ACSS3: variants seen among roughly 807,000 people sequenced by gnomAD.
ACSS3 encodes acyl-CoA synthetase short-chain family member 3, mitochondrial.
ACSS3 carries 64 observed loss-of-function variants against 84.2 expected under a neutral mutation model. The observed-to-expected ratio is 0.76, with a 90% CI of 0.62 to 0.94. ACSS3 has a LOEUF of 0.94. Among genes scored for constraint, ACSS3 ranks in the 40% least tolerant of loss-of-function variants. The pLI is 0.00. For missense variants in ACSS3, 815 were observed against 867.6 expected, an observed-to-expected ratio of 0.94 and a Z score of 0.76; for synonymous variants, 317 against 310.1, an observed-to-expected ratio of 1.02 and a Z score of -0.23.
At position 81,134,874 on chromosome 12, in the gene ACSS3, T is replaced by G; in HGVS notation, c.515T>G (p.Val172Gly). The G allele has an allele frequency of 6.2e-7, 1 of 1,600,088 alleles. No homozygotes were observed. The highest frequency in any genetic ancestry group is 8.5e-7 in the Non-Finnish European group (1 of 1,172,174). Residue 172 changes from valine to glycine, a missense_variant, in exon 3 of 16, where the codon GTT (valine) becomes GGT (glycine). Val to Gly is a moderately radical substitution (Grantham distance 109). Transcript: ENST00000548058. The stretch of plus-strand genomic sequence containing the variant: ...GGCATCAAGAAAGGTGACACTGTGG[T>G]TATCTACATGCCTATGATCCCACAG... ...KHGIKKGDTV[V>G]IYMPMIPQAM...
chr12:81,231,247 A>T (rs2033453108), intron 12 of ACSS3, 109 bp downstream of exon 12: 4 of 888,252 alleles, frequency 4.5e-6, no homozygotes. Context: ...GAAACTTTTA[A>T]AGGTTATCTG....
At position 81,151,856 on chromosome 12, in the gene ACSS3, C is replaced by A; in HGVS notation, c.934C>A (p.Pro312Thr). The change falls in exon 6 of 16, where the codon CCC (proline) becomes ACC (threonine). Residue 312 changes from proline (P) to threonine (T), a missense_variant. Coordinates refer to ENST00000548058, the MANE Select transcript of ACSS3 (RefSeq NM_024560.4). ...TTGLPKGVIR[P>T]TGGYAVMLHW... ...TTTCTCTCCTTAGGGTGTGATTAGG[C>A]CCACTGGGGGATACGCTGTCATGCT... is the stretch of plus-strand genomic sequence containing the variant. The A allele has an allele frequency of 6.2e-7, 1 of 1,613,482 alleles. No individual in the cohort carries two copies. The highest frequency in any genetic ancestry group is 8.5e-7 in the Non-Finnish European group (1 of 1,179,666).
rs1219473172 is a variant in ACSS3, at chr12:81,224,159, G to A, written c.1514+4083G>A. 2.6e-5 allele frequency among the ~76,000 whole-genome samples: 4 copies of A among 151,972 alleles called. No homozygotes were observed. The East Asian group carries it at 5.8e-4, about 22-fold the overall frequency. On this transcript the variant is annotated intron_variant, in intron 11 of 15. Transcript: ENST00000548058. ...TTGGCAGAATTGGGGAAGGTATCAC[G>A]TGGTGATAGCATTTGCTTTCAAATT...
intron 3 of ACSS3, among the ~76,000 whole-genome samples, chr12:81,138,906 C>G (rs1382423014): frequency 1.3e-5 from 2 of 152,184 alleles, no homozygotes; most frequent in Admixed American, 1.3e-4. Flanking sequence ...GAGTCAAAAA[C>G]ATCATTGAGC....
intron 8 of ACSS3, among the ~76,000 whole-genome samples, chr12:81,191,163 T>A (rs1417795978): frequency 6.6e-6 from 1 of 152,100 alleles, no homozygotes; most frequent in Non-Finnish European, 1.5e-5. Flanking sequence ...CCTTTAAAAT[T>A]GATGAACCTA....
chr12:81,161,362 G>A (rs996689270), intron 7 of ACSS3, among the ~76,000 whole-genome samples: 3 of 152,202 alleles, frequency 2.0e-5, no homozygotes, highest in African/African-American at 7.2e-5. Context: ...TCCTTTAAGT[G>A]TAGGACTTGT....
intron 1 of ACSS3, among the ~76,000 whole-genome samples, chr12:81,086,359 C>G (rs1026567142): frequency 6.6e-6 from 1 of 152,044 alleles, no homozygotes; most frequent in African/African-American, 2.4e-5. Flanking sequence ...TCAAAATAAC[C>G]TCATCAAGAA....
At chr12:81,167,493 C>G (rs1887457080) in intron 7 of ACSS3, among the ~76,000 whole-genome samples, 1 of 152,072 alleles carries the variant, frequency 6.6e-6, no homozygotes, top group East Asian at 1.9e-4. Context: ...TAGGCTGTGA[C>G]ATTCAAGATC....
chr12:81,210,191 T>C (rs2032534204), intron 9 of ACSS3, among the ~76,000 whole-genome samples: 1 of 152,130 alleles, frequency 6.6e-6, no homozygotes. Flanking sequence ...ATTTTCCCCT[T>C]CCCTTTTATA....
At chr12:81,185,865 T>G (rs905412374) in intron 8 of ACSS3, among the ~76,000 whole-genome samples, 1 of 151,744 alleles carries the variant, frequency 6.6e-6, no homozygotes, top group East Asian at 1.9e-4. Context: ...TATCCTAAAA[T>G]TTGTATGAAA....
At chr12:81,170,052 T>TG (rs1243258514) in intron 7 of ACSS3, among the ~76,000 whole-genome samples, 1 of 152,174 alleles carries the variant, frequency 6.6e-6, no homozygotes, top group Non-Finnish European at 1.5e-5. Flanking sequence ...TATCAGTGTC[T>TG]GGGAAATCAC....
intron 4 of ACSS3, among the ~76,000 whole-genome samples, chr12:81,140,482 T>C (rs1055806092): frequency 6.6e-6 from 1 of 152,156 alleles, no homozygotes; most frequent in African/African-American, 2.4e-5. Context: ...TCTTTGAAAA[T>C]ACTTAAATGA....
intron 11 of ACSS3, among the ~76,000 whole-genome samples, chr12:81,221,694 C>T (rs1049894366): frequency 6.6e-6 from 1 of 152,038 alleles, no homozygotes; most frequent in African/African-American, 2.4e-5. Flanking sequence ...TCTGTGTTAA[C>T]ATAGAGCTGG....
chr12:81,109,237 T>C (rs1883357386), intron 1 of ACSS3, among the ~76,000 whole-genome samples: 1 of 152,228 alleles, frequency 6.6e-6, no homozygotes, highest in South Asian at 2.1e-4. Flanking sequence ...ATACCATTTA[T>C]TTCATCTATG....
intron 4 of ACSS3, among the ~76,000 whole-genome samples, chr12:81,140,291 G>A (rs553998526): frequency 4.6e-5 from 7 of 152,134 alleles, no homozygotes; most frequent in Non-Finnish European, 8.8e-5. Flanking sequence ...ACAATTTACC[G>A]TACTTTTCCT....
intron 11 of ACSS3, among the ~76,000 whole-genome samples, chr12:81,230,227 GT>G (rs2033412738): frequency 6.6e-6 from 1 of 151,730 alleles, no homozygotes; most frequent in Admixed American, 6.6e-5. Flanking sequence ...GATCTAAAAG[GT>G]TTCTGTGTTC....
intron 13 of ACSS3, among the ~76,000 whole-genome samples, chr12:81,251,544 A>G (rs1247640305): frequency 6.6e-6 from 1 of 151,930 alleles, no homozygotes; most frequent in African/African-American, 2.4e-5. Context: ...TTTAAAAAAT[A>G]AACATAGCTG....
intron 8 of ACSS3, among the ~76,000 whole-genome samples, chr12:81,186,774 A>G (rs1306769989): frequency 1.3e-5 from 2 of 151,868 alleles, no homozygotes; most frequent in Non-Finnish European, 2.9e-5. Flanking sequence ...GTAGATTGTT[A>G]CAGCCATTTT....
Position 81,174,881 on chromosome 12 carries a change from A to G in ACSS3, c.1192A>G (p.Arg398Gly), listed in dbSNP as rs1324752618. ...AALFTAPTAI[R>G]AIRQQDPGAA... ...CTTGTTTACAGCACCAACTGCAATT[A>G]GAGCAATCCGTCAACAGGACCCTGG... The change falls in exon 8 of 16, where the codon AGA becomes GGA. Residue 398 changes from arginine (R) to glycine (G), a missense_variant. Coordinates refer to ENST00000548058, the MANE Select transcript of ACSS3 (RefSeq NM_024560.4). The G allele has an allele frequency of 3.1e-6, 5 of 1,614,016 alleles. No individual in the cohort carries two copies. The South Asian group carries it at 4.4e-5, about 14-fold the overall frequency.
Sources: allele counts gnomAD v4.1 joint callset (sites outside exome capture counted in the v4.1 genomes callset), GRCh38; gene constraint gnomAD v4.1.1; transcripts MANE v1.5; gene names NCBI Gene and HGNC (gene_info 2026-07-23, HGNC 2026-07-21).